Variants in RNF17 observed in about 807,000 individuals in gnomAD.
RNF17 encodes ring finger protein 17.
Under a neutral mutation model 200.5 loss-of-function variants are expected in RNF17, and 31 were observed. The ratio of observed to expected loss-of-function variants is 0.15; its 90% CI spans 0.12 to 0.21. The LOEUF (loss-of-function observed/expected upper bound fraction) is 0.21, where lower values mean the gene tolerates loss of function less well. RNF17 is among the 10% of genes least tolerant of loss of function. The pLI is 1.00. For synonymous variants in RNF17, 606 were observed against 637.8 expected (o/e 0.95, Z 0.75); for missense variants, 1,628 against 1,905.1 (o/e 0.85, Z 2.71).
intron 25 of RNF17, among the ~76,000 whole-genome samples, chr13:24,856,234 A>G (rs574139271): frequency 1.3e-5 from 2 of 152,180 alleles, no homozygotes; most frequent in South Asian, 2.1e-4. Context: ...AGCCTGGCCA[A>G]TGTGGTGAAA....
chr13:24,790,872 G>A (rs1883759116), intron 9 of RNF17, among the ~76,000 whole-genome samples: 1 of 152,140 alleles, frequency 6.6e-6, no homozygotes, highest in South Asian at 2.1e-4. Flanking sequence ...TTGTTGTAAG[G>A]CACAAATCCA....
chr13:24,878,713 G>T (rs1035312726), intron 34 of RNF17, among the ~76,000 whole-genome samples: 1 of 152,206 alleles, frequency 6.6e-6, no homozygotes, highest in African/African-American at 2.4e-5. Flanking sequence ...CTCCCAGCCA[G>T]CTGGATGTCC....
At chr13:24,829,003 G>T (rs1052130523) in intron 16 of RNF17, among the ~76,000 whole-genome samples, 1 of 151,850 alleles carries the variant, frequency 6.6e-6, no homozygotes, top group Non-Finnish European at 1.5e-5. Context: ...TAGAGGTGGG[G>T]TCAAACTCCT....
At chr13:24,831,799 A>G in intron 17 of RNF17, 59 bp from the exon 18 acceptor site, 2 of 1,459,880 alleles carry the variant, frequency 1.4e-6, no homozygotes, top group South Asian at 2.5e-5. Context: ...TAAAACTTGA[A>G]TTCTAAAGTA....
chr13:24,883,247 G>T (rs370980033), downstream of RNF17: 3 of 1,613,806 alleles, frequency 1.9e-6, no homozygotes, highest in South Asian at 3.3e-5. Flanking sequence ...TCTGTACTTC[G>T]TTTCTTGATG....
At chr13:24,826,764 C>G in intron 16 of RNF17, among the ~76,000 whole-genome samples, 1 of 143,084 alleles carries the variant, frequency 7.0e-6, no homozygotes, top group Non-Finnish European at 1.5e-5. Context: ...CAGAGCAAGA[C>G]TGTCTGAAAA....
At chr13:24,838,978 C>T (rs962347224) in intron 18 of RNF17, among the ~76,000 whole-genome samples, 9 of 152,156 alleles carry the variant, frequency 5.9e-5, no homozygotes, top group South Asian at 2.1e-4. Context: ...GCGAAGTTTC[C>T]GGATACAAGA....
the RNF17 span, among the ~76,000 whole-genome samples, chr13:24,755,131 T>G: frequency 6.6e-6 from 1 of 152,168 alleles, no homozygotes; most frequent in Non-Finnish European, 1.5e-5. Context: ...CTAAGCCAGT[T>G]ACAGATTGGT....
intron 2 of RNF17, among the ~76,000 whole-genome samples, chr13:24,769,496 C>G (rs1392276781): frequency 6.6e-6 from 1 of 152,130 alleles, no homozygotes; most frequent in Non-Finnish European, 1.5e-5. Context: ...GAGCTGGGCC[C>G]TATTAAAGGA....
chr13:24,874,285 CT>C (rs58383812), intron 33 of RNF17, 36 bp downstream of exon 33: 394,617 of 1,488,322 alleles, frequency 0.27, 54,721 homozygotes, highest in Non-Finnish European at 0.28. Context: ...AATTAGATTT[CT>C]TTTTTTTTAA....
At chr13:24,786,155 G>C (rs1566131487) in intron 6 of RNF17, among the ~76,000 whole-genome samples, 1 of 151,812 alleles carries the variant, frequency 6.6e-6, no homozygotes, top group Non-Finnish European at 1.5e-5. Flanking sequence ...CACAAATTTT[G>C]ATTCCTTTCT....
At chr13:24,751,044 G>A in the RNF17 span, 1 of 152,140 alleles carries the variant, frequency 6.6e-6, no homozygotes, top group Admixed American at 6.5e-5. Context: ...ACCCTAAAAA[G>A]TAAACTCCAT....
At chr13:24,758,322 T>C in the RNF17 span, among the ~76,000 whole-genome samples, 1 of 152,230 alleles carries the variant, frequency 6.6e-6, no homozygotes, top group Non-Finnish European at 1.5e-5. Context: ...TTATTTATTT[T>C]ATAATCAATT....
chr13:24,879,309 C>T lies in RNF17; in HGVS notation c.*10+14C>T. The T allele has an allele frequency of 1.4e-6, 2 of 1,472,072 alleles. No homozygotes were observed. The highest frequency in any genetic ancestry group is 9.5e-7 in the Non-Finnish European group (1 of 1,051,084). 91.2% of individuals were successfully genotyped at this position (1,472,072 alleles called of 1,614,324 possible). On this transcript the variant is annotated intron_variant, in intron 35 of 35. Coordinates refer to ENST00000255324, the MANE Select transcript of RNF17 (RefSeq NM_031277.3). Reference sequence around the variant, plus strand: ...AAGTGCCTAAGTGTAAGTTCTCATTCTCTTCATAGCATAAGGCATGGGACT... The same window carrying T: ...AAGTGCCTAAGTGTAAGTTCTCATTTTCTTCATAGCATAAGGCATGGGACT...
chr13:24,885,549 A>G, the RNF17 span: 3 of 1,364,226 alleles, frequency 2.2e-6, no homozygotes, highest in Non-Finnish European at 3.1e-6. Flanking sequence ...CTATTAACAA[A>G]TTGATTTCAA....
intron 19 of RNF17, among the ~76,000 whole-genome samples, chr13:24,842,968 C>G (rs569245668): frequency 6.7e-6 from 1 of 150,040 alleles, no homozygotes; most frequent in African/African-American, 2.5e-5. Flanking sequence ...GAGTGTCTGA[C>G]AGAGCAAGAC....
chr13:24,796,101 A>G lies in RNF17; in HGVS notation c.1241-36A>G, dbSNP rs370618978. 406 of 1,493,874 alleles carry G rather than the reference A, an allele frequency of 2.7e-4. 2 individuals are homozygous for G. Among genetic ancestry groups the G allele is most frequent in the South Asian group, 1.1e-3 (90 of 81,384 alleles). 92.5% of individuals were successfully genotyped at this position (1,493,874 alleles called of 1,614,324 possible). On this transcript the variant is annotated intron_variant, in intron 10 of 35. Transcript: ENST00000255324. ...GCTTTCATGAATTATTTTCTAACTC[A>G]TGGTTTATTAATGTGACTTAAACAT...
chr13:24,749,671 A>G, the RNF17 span, among the ~76,000 whole-genome samples: 5 of 152,218 alleles, frequency 3.3e-5, no homozygotes, highest in African/African-American at 7.2e-5. Context: ...TTGAGAACCC[A>G]AAAGCTAATG....
intron 3 of RNF17, among the ~76,000 whole-genome samples, chr13:24,776,627 T>C (rs570520848): frequency 6.6e-5 from 10 of 152,326 alleles, no homozygotes; most frequent in African/African-American, 2.2e-4. Context: ...GTAGCCATTT[T>C]TATCAAATTT....
Sources: allele counts gnomAD v4.1 joint callset (sites outside exome capture counted in the v4.1 genomes callset), GRCh38; gene constraint gnomAD v4.1.1; transcripts MANE v1.5; gene names NCBI Gene and HGNC (gene_info 2026-07-23, HGNC 2026-07-21).